The following CNTN5 variants were observed in gnomAD, a reference collection of about 807,000 sequenced individuals.
CNTN5 encodes contactin-5.
CNTN5 carries 77 observed loss-of-function variants against 129.1 expected under a neutral mutation model. That is an observed-to-expected ratio of 0.60 (90% CI 0.50 to 0.72). The LOEUF (loss-of-function observed/expected upper bound fraction) is 0.72, where lower values mean the gene tolerates loss of function less well. CNTN5 is among the 30% of genes least tolerant of loss of function. The probability of loss-of-function intolerance (pLI) is 0.00; values close to 1 mark genes in which losing one functional copy is unlikely to be tolerated. For synonymous variants in CNTN5, 509 were observed against 465.6 expected (o/e 1.09, Z -1.20); for missense variants, 1,478 against 1,328.8 (o/e 1.11, Z -1.75).
chr11:99,885,073 A>T (rs1292963792), intron 6 of CNTN5, among the ~76,000 whole-genome samples: 1 of 152,134 alleles, frequency 6.6e-6, no homozygotes, highest in Non-Finnish European at 1.5e-5. Flanking sequence ...ACCTTAGCCC[A>T]GGAGTTTGAG....
intron 15 of CNTN5, among the ~76,000 whole-genome samples, chr11:100,223,345 A>G (rs1486689633): frequency 1.3e-5 from 2 of 152,204 alleles, no homozygotes; most frequent in East Asian, 3.8e-4. Context: ...AATACCAGAA[A>G]GAAATGATCT....
At chr11:100,143,015 G>T (rs945451840) in intron 13 of CNTN5, among the ~76,000 whole-genome samples, 3 of 151,966 alleles carry the variant, frequency 2.0e-5, no homozygotes, top group Non-Finnish European at 4.4e-5. Flanking sequence ...AAACATAAAT[G>T]AATTTTGTGT....
At chr11:99,577,792 A>G (rs1591305162) in intron 3 of CNTN5, among the ~76,000 whole-genome samples, 1 of 149,902 alleles carries the variant, frequency 6.7e-6, no homozygotes, top group East Asian at 2.0e-4. Flanking sequence ...GCAGATCTTT[A>G]TAGTGAGGAA....
chr11:99,655,323 G>A lies in CNTN5; in HGVS notation c.55+99054G>A, dbSNP rs142579059. On this transcript the variant is annotated intron_variant, in intron 3 of 24. Transcript: ENST00000524871. ...GCTACAAGACTCTCGGCAAGAAGAA[G>A]TGGTCCAAAGTACAGCCTGACTAAT... is the stretch of plus-strand genomic sequence containing the variant. 2.2e-3 allele frequency among the ~76,000 whole-genome samples: 341 copies of A among 152,218 alleles called. 1 individual carries two copies. The highest frequency in any genetic ancestry group is 7.5e-3 in the African/African-American group (311 of 41,560).
At chr11:99,767,507 T>C (rs1944794204) in intron 3 of CNTN5, among the ~76,000 whole-genome samples, 1 of 152,058 alleles carries the variant, frequency 6.6e-6, no homozygotes, top group Non-Finnish European at 1.5e-5. Context: ...CTATAGCATA[T>C]GTGTTTTGTA....
chr11:100,201,960 C>A (rs1948789372), intron 15 of CNTN5, among the ~76,000 whole-genome samples: 2 of 151,968 alleles, frequency 1.3e-5, no homozygotes, highest in Admixed American at 1.3e-4. Flanking sequence ...AAAGACCAGA[C>A]CCCTGGCCTC....
chr11:100,345,816 G>C (rs1375978029), intron 23 of CNTN5, among the ~76,000 whole-genome samples: 1 of 152,080 alleles, frequency 6.6e-6, no homozygotes, highest in Non-Finnish European at 1.5e-5. Flanking sequence ...AAGAAATCCA[G>C]ATTTAATAGT....
chr11:100,272,232 T>C (rs1000954643), intron 18 of CNTN5, among the ~76,000 whole-genome samples: 2 of 152,194 alleles, frequency 1.3e-5, no homozygotes, highest in Non-Finnish European at 2.9e-5. Context: ...CAGTGTTTGG[T>C]ACTGGTACTC....
chr11:99,190,275 C>A (rs1285920728), intron 1 of CNTN5, among the ~76,000 whole-genome samples: 1 of 151,620 alleles, frequency 6.6e-6, no homozygotes, highest in African/African-American at 2.4e-5. Flanking sequence ...ATGGCAGTAC[C>A]AGGCTGTTTT....
At chr11:99,080,715 T>C (rs1320094499) in intron 1 of CNTN5, among the ~76,000 whole-genome samples, 1 of 152,140 alleles carries the variant, frequency 6.6e-6, no homozygotes. Context: ...GCAGCACAAA[T>C]CTCTGAGGAA....
At chr11:99,098,859 G>A (rs958368112) in intron 1 of CNTN5, among the ~76,000 whole-genome samples, 4 of 152,062 alleles carry the variant, frequency 2.6e-5, no homozygotes, top group Non-Finnish European at 5.9e-5. Context: ...GATTTTTTCT[G>A]CTTCTCAGCT....
chr11:100,132,775 T>G (rs1591296273), intron 13 of CNTN5, among the ~76,000 whole-genome samples: 1 of 152,140 alleles, frequency 6.6e-6, no homozygotes, highest in South Asian at 2.1e-4. Flanking sequence ...CACCAAAGGT[T>G]CTAATAATCA....
intron 1 of CNTN5, among the ~76,000 whole-genome samples, chr11:99,305,602 C>T (rs952662390): frequency 1.3e-5 from 2 of 151,990 alleles, no homozygotes; most frequent in Non-Finnish European, 2.9e-5. Flanking sequence ...TTTAACAATC[C>T]ACAGCAATGT....
chr11:99,846,129 G>GACAC (rs10650307), intron 6 of CNTN5, among the ~76,000 whole-genome samples: 41,097 of 144,502 alleles, frequency 0.28, 6,721 homozygotes, highest in Non-Finnish European at 0.38. Flanking sequence ...TACGGACATA[G>GACAC]ACACACACAC....
intron 13 of CNTN5, among the ~76,000 whole-genome samples, chr11:100,113,261 G>C (rs1410293164): frequency 6.6e-6 from 1 of 151,210 alleles, no homozygotes; most frequent in Non-Finnish European, 1.5e-5. Flanking sequence ...TAAATGTAAA[G>C]TATTAATTAA....
At chr11:100,286,019 C>A (rs1950778414) in intron 18 of CNTN5, among the ~76,000 whole-genome samples, 1 of 152,226 alleles carries the variant, frequency 6.6e-6, no homozygotes, top group South Asian at 2.1e-4. Context: ...AATCGGGTCA[C>A]TCCCACCCTA....
intron 15 of CNTN5, among the ~76,000 whole-genome samples, chr11:100,195,291 A>G (rs2138521840): frequency 6.6e-6 from 1 of 152,148 alleles, no homozygotes; most frequent in African/African-American, 2.4e-5. Flanking sequence ...TCTTCTTATA[A>G]GTAATCCCTC....
chr11:99,817,123 TAG>T (rs1946613348), intron 3 of CNTN5, among the ~76,000 whole-genome samples: 1 of 152,182 alleles, frequency 6.6e-6, no homozygotes, highest in African/African-American at 2.4e-5. Flanking sequence ...TTTTCCCCAC[TAG>T]ATCGTAGCTC....
At chr11:99,706,091 A>G (rs1480957964) in intron 3 of CNTN5, among the ~76,000 whole-genome samples, 1 of 151,492 alleles carries the variant, frequency 6.6e-6, no homozygotes, top group African/African-American at 2.4e-5. Context: ...ATAAAGAGTA[A>G]TGATAATAGC....
Sources: allele counts gnomAD v4.1 joint callset (sites outside exome capture counted in the v4.1 genomes callset), GRCh38; gene constraint gnomAD v4.1.1; transcripts MANE v1.5; gene names NCBI Gene and HGNC (gene_info 2026-07-23, HGNC 2026-07-21).